YWHAG: variants seen among roughly 807,000 people sequenced by gnomAD.
YWHAG encodes the protein 14-3-3 protein gamma.
Under a neutral mutation model 23.3 loss-of-function variants are expected in YWHAG, and 1 was observed. The observed-to-expected ratio is 0.04, with a 90% CI of 0.02 to 0.20. The LOEUF is 0.20. Among genes scored for constraint, YWHAG ranks in the 10% least tolerant of loss-of-function variants. The pLI, the probability that YWHAG is intolerant of heterozygous loss-of-function variation, is 1.00. For synonymous variants in YWHAG, 160 were observed against 144.0 expected (o/e 1.11, Z -0.80); for missense variants, 151 against 338.6 (o/e 0.45, Z 4.35).
chr7:76,350,309 A>G (rs1042779300), intron 1 of YWHAG, among the ~76,000 whole-genome samples: 1 of 152,242 alleles, frequency 6.6e-6, no homozygotes, highest in African/African-American at 2.4e-5. Flanking sequence ...ACATGTATAC[A>G]TAATACCTAT....
At chr7:76,356,348 A>C (rs1803957104) in intron 1 of YWHAG, among the ~76,000 whole-genome samples, 1 of 152,250 alleles carries the variant, frequency 6.6e-6, no homozygotes, top group South Asian at 2.1e-4. Flanking sequence ...TTAAAGTCAC[A>C]GGAAACAGAT....
chr7:76,355,642 G>A (rs1440557715), intron 1 of YWHAG, among the ~76,000 whole-genome samples: 1 of 152,140 alleles, frequency 6.6e-6, no homozygotes, highest in Non-Finnish European at 1.5e-5. Flanking sequence ...CTGGGGGGGA[G>A]GGGGAATGGA....
chr7:76,340,822 T>C (rs1220594988), intron 1 of YWHAG, among the ~76,000 whole-genome samples: 2 of 152,228 alleles, frequency 1.3e-5, no homozygotes, highest in Non-Finnish European at 2.9e-5. Flanking sequence ...AGCAGCATTA[T>C]GACTCAGCAA....
intron 1 of YWHAG, among the ~76,000 whole-genome samples, chr7:76,352,457 C>A (rs1180975339): frequency 6.6e-6 from 1 of 152,160 alleles, no homozygotes; most frequent in Non-Finnish European, 1.5e-5. Flanking sequence ...ATACTCCCAA[C>A]TCGGACACCC....
chr7:76,348,422 T>A (rs969683917), intron 1 of YWHAG, among the ~76,000 whole-genome samples: 3 of 73,450 alleles, frequency 4.1e-5, no homozygotes, highest in African/African-American at 1.7e-4. Context: ...TGCCCGCTAA[T>A]TTTTTTTTTT....
At position 76,328,569 on chromosome 7, in the gene YWHAG, G is replaced by A. The variant is rs1019995234; in HGVS notation, c.*1008C>T. The A allele has an allele frequency of 6.6e-6, 1 of 152,228 alleles. No individual in the cohort carries two copies. The highest frequency in any genetic ancestry group is 1.5e-5 in the Non-Finnish European group (1 of 68,038). The allele number at this position is 152,228 out of a possible 1,614,324, so 9.4% of individuals were successfully genotyped here. ...CCCCACAGCTTCTGCACCCAGCTGC[G>A]TCCGCCAGCACGAGGCGCAGTAGGA... On this transcript the variant is annotated 3_prime_UTR_variant, in exon 2 of 2. Transcript: ENST00000307630.
At position 76,328,081 on chromosome 7, in the gene YWHAG, T is replaced by G. The variant is rs1367631094; in HGVS notation, c.*1496A>C. 6.6e-6 allele frequency: 1 copy of G among 152,102 alleles called. No individual in the cohort carries two copies. Among genetic ancestry groups the G allele is most frequent in the African/African-American group, 2.4e-5 (1 of 41,418 alleles). 9.4% of individuals were successfully genotyped at this position (152,102 alleles called of 1,614,324 possible). A position where few individuals can be genotyped will look rare whatever the true frequency, so the allele number is the denominator to read the frequency against. On this transcript the variant is annotated 3_prime_UTR_variant, in exon 2 of 2. Transcript: ENST00000307630. ...ACACGTCTCGGGAGTTCCTCGTCAC[T>G]GACTTTATATATATAAAAAAAAGAA...
At chr7:76,335,278 G>C (rs1259647132) in intron 1 of YWHAG, among the ~76,000 whole-genome samples, 3 of 152,054 alleles carry the variant, frequency 2.0e-5, no homozygotes, top group South Asian at 4.2e-4. Flanking sequence ...GGATGGTCTT[G>C]ATCTCCTGAC....
chr7:76,348,305 C>G (rs899088388), intron 1 of YWHAG, among the ~76,000 whole-genome samples: 1 of 145,984 alleles, frequency 6.9e-6, no homozygotes, highest in Admixed American at 6.9e-5. Context: ...GTCGCCCAGG[C>G]TAGAGTGCAG....
At chr7:76,351,110 T>A (rs961614704) in intron 1 of YWHAG, among the ~76,000 whole-genome samples, 1 of 152,204 alleles carries the variant, frequency 6.6e-6, no homozygotes. Context: ...TATCCCTGCA[T>A]GTGAATCATT....
chr7:76,341,282 TA>T (rs1482794608), intron 1 of YWHAG, among the ~76,000 whole-genome samples: 1 of 151,750 alleles, frequency 6.6e-6, no homozygotes, highest in East Asian at 1.9e-4. Context: ...CTCGCACCTG[TA>T]ATCCCAGCTA....
At chr7:76,343,562 T>C (rs372129164) in intron 1 of YWHAG, among the ~76,000 whole-genome samples, 7 of 152,168 alleles carry the variant, frequency 4.6e-5, no homozygotes, top group Admixed American at 2.0e-4. Flanking sequence ...CCATCTGAGA[T>C]TGTTTTCAAA....
chr7:76,329,489 T>TGCCAA lies in YWHAG; in HGVS notation c.*87_*88insTTGGC. 2.9e-6 allele frequency: 3 copies of TGCCAA among 1,024,226 alleles called. No homozygotes were observed. The highest frequency in any genetic ancestry group is 4.1e-6 in the Non-Finnish European group (3 of 740,080). The allele number at this position is 1,024,226 out of a possible 1,614,324, so 63.4% of individuals were successfully genotyped here. On this transcript the variant is annotated 3_prime_UTR_variant, in exon 2 of 2. Transcript: ENST00000307630. The surrounding 1 kb of genome is among the most constrained non-coding windows in gnomAD (Gnocchi z 6.1). ...TCCCTGGGAAGGTCATCCCTCCCTT[T>TGCCAA]CCCTCCCCCACCCGACCCCCAACTC...
chr7:76,358,803 C>T lies in YWHAG; in HGVS notation c.6G>A (p.Val2=). The change falls in exon 1 of 2, where the codon GTG becomes GTA. Residue 2 remains valine, a synonymous_variant. Transcript: ENST00000307630. ...CTTTCTGCACCAGTTGCTCGCGGTC[C>T]ACCATCTTCGCGGGGCTGGGTCTGG... M[V]DREQLVQKAR... is the part of the protein sequence containing the mutation. 1 of 1,593,226 alleles carries T rather than the reference C, an allele frequency of 6.3e-7. No individual in the cohort carries two copies. The highest frequency in any genetic ancestry group is 8.5e-7 in the Non-Finnish European group (1 of 1,171,216).
intron 1 of YWHAG, among the ~76,000 whole-genome samples, chr7:76,343,581 T>C (rs932624146): frequency 2.6e-5 from 4 of 152,188 alleles, no homozygotes; most frequent in African/African-American, 9.7e-5. Flanking sequence ...AAAAGGGTCC[T>C]AGTAATTCCT....
In YWHAG at chr7:76,327,166, T is replaced by C. The variant is rs1803456338; in HGVS notation, c.*2411A>G. On this transcript the variant is annotated 3_prime_UTR_variant, in exon 2 of 2. Coordinates refer to ENST00000307630, the MANE Select transcript of YWHAG (RefSeq NM_012479.4). ...TATAGCAACATCCAAAACAGATCAA[T>C]TTGTTACAATCACTATTTGGTAGAG... 6.6e-6 allele frequency: 1 copy of C among 151,960 alleles called. No homozygotes were observed. Among genetic ancestry groups the C allele is most frequent in the South Asian group, 2.1e-4 (1 of 4,818 alleles). 9.4% of individuals were successfully genotyped at this position (151,960 alleles called of 1,614,324 possible).
chr7:76,329,180 CGA>C lies in YWHAG; in HGVS notation c.*395_*396del, dbSNP rs200070734. The C allele has an allele frequency of 1.1e-5, 2 of 182,920 alleles. No homozygotes were observed. The highest frequency in any genetic ancestry group is 2.3e-5 in the Non-Finnish European group (2 of 87,186). 11.3% of individuals were successfully genotyped at this position (182,920 alleles called of 1,614,324 possible). On this transcript the variant is annotated 3_prime_UTR_variant, in exon 2 of 2. Transcript: ENST00000307630. This position sits in a 1 kb window ranked among gnomAD's most constrained non-coding sequence, Gnocchi z 6.1. ...CAGATGAGATAGAAAGTACCCAAAA[CGA>C]GAGACGAGAGCGTATGTACATAAAA... is the stretch of plus-strand genomic sequence containing the variant.
intron 1 of YWHAG, among the ~76,000 whole-genome samples, chr7:76,339,382 A>G (rs935575211): frequency 6.6e-6 from 1 of 152,132 alleles, no homozygotes; most frequent in African/African-American, 2.4e-5. Context: ...AGACAGGAGA[A>G]CTGCTTGAAC....
rs1161419188 is a variant in YWHAG at position 76,330,084 on chromosome 7, A to C, written c.237T>G (p.Ile79Met). Residue 79 changes from isoleucine to methionine, a missense_variant, in exon 2 of 2, where the codon ATT becomes ATG. Transcript: ENST00000307630. ...TCTCCCGGTACGCACGGACCATCTC[A>C]ATCTTCTTCTCATTGCCGTCTGCAG... is the stretch of plus-strand genomic sequence containing the variant. ...KTSADGNEKK[I>M]EMVRAYREKI... 1.2e-6 allele frequency: 2 copies of C among 1,613,694 alleles called. No homozygotes were observed. Among genetic ancestry groups the C allele is most frequent in the African/African-American group, 1.3e-5 (1 of 74,778 alleles).
Sources: allele counts gnomAD v4.1 joint callset (sites outside exome capture counted in the v4.1 genomes callset), GRCh38; gene constraint gnomAD v4.1.1; non-coding constraint Gnocchi (gnomAD v3.1); transcripts MANE v1.5; gene names NCBI Gene and HGNC (gene_info 2026-07-23, HGNC 2026-07-21).